The following CALN1 variants were observed in gnomAD, a reference collection of about 807,000 sequenced individuals.
CALN1 encodes calneuron 1.
Under a neutral mutation model 30.6 loss-of-function variants are expected in CALN1, and 17 were observed. The ratio of observed to expected loss-of-function variants is 0.56; its 90% CI spans 0.38 to 0.83. The LOEUF is 0.83. CALN1 is among the 40% of genes least tolerant of loss of function. The pLI, the probability that CALN1 is intolerant of heterozygous loss-of-function variation, is 0.00. For synonymous variants in CALN1, 156 were observed against 131.4 expected (o/e 1.19, Z -1.28); for missense variants, 291 against 354.9 (o/e 0.82, Z 1.45).
intron 5 of CALN1, among the ~76,000 whole-genome samples, chr7:71,990,146 C>T (rs377306261): frequency 6.6e-6 from 1 of 152,034 alleles, no homozygotes; most frequent in Non-Finnish European, 1.5e-5. Context: ...AGAAGCTGGC[C>T]GAAACCCACT....
rs533492698 is a variant in CALN1 at position 71,846,802 on chromosome 7, A to G, written c.502-36310T>C. Among the ~76,000 whole-genome samples, 42 of 143,274 alleles carry G rather than the reference A, an allele frequency of 2.9e-4. No individual in the cohort carries two copies. The South Asian group carries it at 9.0e-3, about 31-fold the overall frequency. 94.0% of individuals were successfully genotyped at this position (143,274 alleles called of 152,430 possible). A position where few individuals can be genotyped will look rare whatever the true frequency, so the allele number is the denominator to read the frequency against. ...TATATATACGTGTATATACATATAT[A>G]TGAGCAATATATACATAAATATGTG... On this transcript the variant is annotated intron_variant, in intron 5 of 6. Transcript: ENST00000395275.
At chr7:72,444,859 G>A (rs978595284) in intron 1 of CALN1, among the ~76,000 whole-genome samples, 2 of 152,142 alleles carry the variant, frequency 1.3e-5, no homozygotes, top group African/African-American at 4.8e-5. Flanking sequence ...GCTCTTGTGT[G>A]GTGAAGCTGA....
intron 3 of CALN1, among the ~76,000 whole-genome samples, chr7:72,251,780 T>C (rs1795579453): frequency 6.6e-6 from 1 of 152,158 alleles, no homozygotes; most frequent in Non-Finnish European, 1.5e-5. Flanking sequence ...TTCTATATAT[T>C]AACTGTATCA....
At chr7:72,246,026 C>CT (rs1359101442) in intron 3 of CALN1, among the ~76,000 whole-genome samples, 3 of 152,200 alleles carry the variant, frequency 2.0e-5, no homozygotes, top group African/African-American at 7.2e-5. Flanking sequence ...AGCCTCCTTT[C>CT]TTTTCTCCCT....
intron 5 of CALN1, among the ~76,000 whole-genome samples, chr7:72,017,679 A>G (rs960623283): frequency 6.6e-6 from 1 of 152,162 alleles, no homozygotes; most frequent in Non-Finnish European, 1.5e-5. Flanking sequence ...CACGACCAGC[A>G]CCATCCAATG....
chr7:71,957,620 C>G (rs1797026642), intron 5 of CALN1, among the ~76,000 whole-genome samples: 1 of 152,150 alleles, frequency 6.6e-6, no homozygotes. Flanking sequence ...CAGATTAATG[C>G]AATTTTCCGG....
At chr7:71,867,031 G>C (rs925473846) in intron 5 of CALN1, among the ~76,000 whole-genome samples, 3 of 151,942 alleles carry the variant, frequency 2.0e-5, no homozygotes, top group African/African-American at 7.3e-5. Flanking sequence ...TGTAATCCCA[G>C]CTACTCAGGC....
intron 2 of CALN1, among the ~76,000 whole-genome samples, chr7:72,400,882 G>A (rs879628262): frequency 6.6e-6 from 1 of 152,068 alleles, no homozygotes; most frequent in Non-Finnish European, 1.5e-5. Context: ...CAACCAATAT[G>A]GCTCTGGGAG....
At chr7:71,888,467 A>G (rs1469099301) in intron 5 of CALN1, among the ~76,000 whole-genome samples, 2 of 148,834 alleles carry the variant, frequency 1.3e-5, no homozygotes, top group Admixed American at 6.7e-5. Flanking sequence ...TTCTTAAAAA[A>G]AAAAAAAAAA....
chr7:72,308,825 G>C (rs2968527), intron 2 of CALN1, among the ~76,000 whole-genome samples: 122,207 of 152,116 alleles, frequency 0.8, 50,389 homozygotes, highest in Middle Eastern at 0.93. Flanking sequence ...TTCATGGAGT[G>C]ATAATGATTC....
At chr7:71,830,503 A>T (rs1789208447) in intron 5 of CALN1, among the ~76,000 whole-genome samples, 1 of 151,622 alleles carries the variant, frequency 6.6e-6, no homozygotes, top group Non-Finnish European at 1.5e-5. Context: ...GCCCACCACC[A>T]TGCCTGGCTA....
In CALN1 at chr7:71,810,357, A is replaced by G. The variant is rs1480333254; in HGVS notation, c.637T>C (p.Cys213Arg). The part of the protein sequence containing the change: ...EESLNETSGN[C>R]QTEFEGVHSQ... ...CTACCTCCTTCAAACTCTGTTTGGCAGTTCCCCGAGGTCTCATTCAGGCTC... is the reference window on the plus strand; with the variant it reads ...CTACCTCCTTCAAACTCTGTTTGGCGGTTCCCCGAGGTCTCATTCAGGCTC... Residue 213 changes from cysteine (C) to arginine (R), a missense_variant, in exon 6 of 7, where the codon TGC becomes CGC. Cys to Arg is a radical substitution (Grantham distance 180). Transcript: ENST00000395275. The G allele has an allele frequency of 1.9e-6, 3 of 1,613,914 alleles. No individual in the cohort carries two copies. In the African/African-American group the frequency reaches 4.0e-5, roughly 22 times the overall value.
At chr7:72,226,314 T>C (rs1793675656) in intron 3 of CALN1, among the ~76,000 whole-genome samples, 1 of 150,946 alleles carries the variant, frequency 6.6e-6, no homozygotes, top group African/African-American at 2.4e-5. Flanking sequence ...GAGATGCTTC[T>C]CTGAACCATG....
intron 2 of CALN1, among the ~76,000 whole-genome samples, chr7:72,385,151 T>C (rs1302760911): frequency 3.3e-5 from 5 of 152,300 alleles, no homozygotes; most frequent in Non-Finnish European, 7.4e-5. Context: ...AAGACAATAA[T>C]AACTGCTAGC....
Position 72,205,566 on chromosome 7 carries a change from A to ATATATACACACATATATATATATACG in CALN1, c.244+73119_244+73120insCGTATATATATATATGTGTGTATATA, listed in dbSNP as rs1169550933. On this transcript the variant is annotated intron_variant, in intron 3 of 6. Transcript: ENST00000395275. Reference sequence around the variant, plus strand: ...GCAAAAAAAAAATATATATATATATATGTATATATATATATATATATTCAG... The same window carrying ATATATACACACATATATATATATACG: ...GCAAAAAAAAAATATATATATATATATATATACACACATATATATATATACGTGTATATATATATATATATATTCAG... Among the ~76,000 whole-genome samples the ATATATACACACATATATATATATACG allele has an allele frequency of 1.2e-3, 133 of 115,458 alleles. 2 individuals are homozygous for ATATATACACACATATATATATATACG. The highest frequency in any genetic ancestry group is 4.9e-3 in the African/African-American group (132 of 27,204). The allele number at this position is 115,458 out of a possible 152,430, so 75.7% of individuals were successfully genotyped here.
chr7:71,888,574 T>C (rs552194083), intron 5 of CALN1, among the ~76,000 whole-genome samples: 1 of 152,270 alleles, frequency 6.6e-6, no homozygotes, highest in Admixed American at 6.5e-5. Context: ...AAAGTAGTCT[T>C]TGATGTTGCT....
At chr7:72,177,160 GCATT>G (rs1389367915) in intron 3 of CALN1, among the ~76,000 whole-genome samples, 1 of 152,130 alleles carries the variant, frequency 6.6e-6, no homozygotes, top group African/African-American at 2.4e-5. Flanking sequence ...ATTCATCTGT[GCATT>G]CATTCAATGA....
chr7:72,052,227 C>T (rs1802879131), intron 4 of CALN1, among the ~76,000 whole-genome samples: 1 of 152,148 alleles, frequency 6.6e-6, no homozygotes, highest in South Asian at 2.1e-4. Flanking sequence ...CAGCAATAAC[C>T]ATTTAGAAAA....
At chr7:72,325,793 G>C (rs1801233982) in intron 2 of CALN1, among the ~76,000 whole-genome samples, 1 of 152,184 alleles carries the variant, frequency 6.6e-6, no homozygotes, top group Non-Finnish European at 1.5e-5. Flanking sequence ...AGTGACTCAT[G>C]AAGGGAACGG....
Sources: gnomAD v4.1 joint callset for allele counts (sites outside exome capture counted in the v4.1 genomes callset) on GRCh38, gnomAD v4.1.1 for gene constraint, MANE v1.5 for transcripts, NCBI Gene and HGNC (gene_info 2026-07-23, HGNC 2026-07-21) for gene names.